The following ZNF282 variants were observed in gnomAD, a reference collection of about 807,000 sequenced individuals.
ZNF282 encodes the protein HTLV-I U5 repressive element-binding protein 1.
A neutral mutation model predicts 61.9 loss-of-function variants in ZNF282; 30 were observed. The observed-to-expected ratio is 0.48, with a 90% confidence interval of 0.36 to 0.66. The LOEUF (loss-of-function observed/expected upper bound fraction) is 0.66, where lower values mean the gene tolerates loss of function less well. Among genes scored for constraint, ZNF282 ranks in the 30% least tolerant of loss-of-function variants. The pLI is 0.00. For missense variants in ZNF282, 788 were observed against 941.4 expected, an observed-to-expected ratio of 0.84 and a Z score of 2.13; for synonymous variants, 396 against 405.0, an observed-to-expected ratio of 0.98 and a Z score of 0.27.
intron 1 of ZNF282, among the ~76,000 whole-genome samples, 174 bp downstream of exon 1, chr7:149,195,928 G>C (rs997134613): frequency 1.2e-4 from 18 of 148,422 alleles, no homozygotes; most frequent in African/African-American, 4.1e-4. Flanking sequence ...CGGGCAGGAC[G>C]GAGCGGGCCC....
At chr7:149,221,495 G>A (rs555124631) in intron 7 of ZNF282, among the ~76,000 whole-genome samples, 1 of 152,316 alleles carries the variant, frequency 6.6e-6, no homozygotes, top group South Asian at 2.1e-4. Context: ...GGGAGTTTAT[G>A]TGCATATAGT....
chr7:149,209,321 A>G (rs1454058644), intron 4 of ZNF282, among the ~76,000 whole-genome samples: 2 of 151,820 alleles, frequency 1.3e-5, no homozygotes, highest in Non-Finnish European at 2.9e-5. Context: ...GTCTCAAAAA[A>G]AAAAAAGAAA....
At chr7:149,222,435 T>G (rs1796270288) in intron 7 of ZNF282, among the ~76,000 whole-genome samples, 1 of 152,152 alleles carries the variant, frequency 6.6e-6, no homozygotes, top group Admixed American at 6.5e-5. Context: ...GGCCTCTAGA[T>G]GGTTTTCACC....
chr7:149,200,923 T>C (rs1201622854), intron 2 of ZNF282, among the ~76,000 whole-genome samples: 1 of 152,172 alleles, frequency 6.6e-6, no homozygotes, highest in Non-Finnish European at 1.5e-5. Context: ...AAGCAATCTG[T>C]ATGCTCTCAC....
intron 7 of ZNF282, among the ~76,000 whole-genome samples, chr7:149,214,670 A>C (rs1374786781): frequency 6.6e-6 from 1 of 152,096 alleles, no homozygotes; most frequent in African/African-American, 2.4e-5. Context: ...AGGGTCTACA[A>C]AAAAATTAAC....
chr7:149,197,322 G>A (rs1056644434), intron 1 of ZNF282, among the ~76,000 whole-genome samples: 2 of 152,194 alleles, frequency 1.3e-5, no homozygotes, highest in Non-Finnish European at 2.9e-5. Context: ...CCTCTAATGA[G>A]TGACCTTTTT....
chr7:149,223,955 C>G lies in ZNF282; in HGVS notation c.1324C>G (p.Pro442Ala). The G allele has an allele frequency of 5.4e-6, 7 of 1,303,952 alleles. No individual in the cohort carries two copies. Among genetic ancestry groups the G allele is most frequent in the Non-Finnish European group, 6.8e-6 (7 of 1,028,764 alleles). The allele number at this position is 1,303,952 out of a possible 1,614,324, so 80.8% of individuals were successfully genotyped here. ...CGCGGTGGCCGAGAACCCGGGCGGC[C>G]CCCCGAGCCGAGGGCTGCTGGACGA... ...PIAVAENPGG[P>A]PSRGLLDDGF... The change falls in exon 8 of 8, where the codon CCC becomes GCC. Residue 442 changes from proline (P) to alanine (A), a missense_variant. Around this residue, in one of 3 missense-constraint regions of ZNF282, gnomAD observed 559 missense variants for 642.0 expected, o/e 0.87. Transcript: ENST00000610704.
intron 1 of ZNF282, among the ~76,000 whole-genome samples, chr7:149,196,057 C>T (rs1022855822): frequency 3.9e-5 from 6 of 151,956 alleles, no homozygotes; most frequent in Non-Finnish European, 8.8e-5. Context: ...CCTGGCAGAG[C>T]TCTGACCCTG....
intron 2 of ZNF282, among the ~76,000 whole-genome samples, chr7:149,200,705 CCTGCCTCAG>C (rs1030810631): frequency 3.9e-5 from 6 of 152,144 alleles, no homozygotes; most frequent in Non-Finnish European, 1.5e-5. Flanking sequence ...AAGTGATTCT[CCTGCCTCAG>C]CTGCCCTAGT....
At chr7:149,204,875 TG>T (rs1290985557) in intron 2 of ZNF282, among the ~76,000 whole-genome samples, 1 of 152,078 alleles carries the variant, frequency 6.6e-6, no homozygotes, top group East Asian at 1.9e-4. Flanking sequence ...TACCAACACT[TG>T]GGGAGGCCAA....
Position 149,224,861 on chromosome 7 carries a change from G to C in ZNF282, c.*214G>C. The C allele has an allele frequency of 3.4e-6, 3 of 893,392 alleles. No homozygotes were observed. The highest frequency in any genetic ancestry group is 4.9e-6 in the Non-Finnish European group (3 of 617,192). 55.3% of individuals were successfully genotyped at this position (893,392 alleles called of 1,614,324 possible). ...TAGGGTGGACCCAGCTGCTGGGGAA[G>C]AGCCAGGGGGACCGCGAGGAGCCGA... is the stretch of plus-strand genomic sequence containing the variant. On this transcript the variant is annotated 3_prime_UTR_variant, in exon 8 of 8. Coordinates refer to ENST00000610704, the MANE Select transcript of ZNF282 (RefSeq NM_003575.4).
intron 7 of ZNF282, among the ~76,000 whole-genome samples, chr7:149,220,679 T>C (rs1796230346): frequency 1.3e-5 from 2 of 151,976 alleles, no homozygotes. Flanking sequence ...AGGAAATCTT[T>C]CCAGAAGCCT....
intron 2 of ZNF282, 185 bp from the exon 3 acceptor site, chr7:149,206,511 T>C: frequency 1.3e-6 from 1 of 788,378 alleles, no homozygotes; most frequent in Non-Finnish European, 2.1e-6. Context: ...ATCCGTGTTA[T>C]TGAAAGCATG....
At chr7:149,220,436 A>T (rs1159196040) in intron 7 of ZNF282, among the ~76,000 whole-genome samples, 1 of 152,042 alleles carries the variant, frequency 6.6e-6, no homozygotes, top group Non-Finnish European at 1.5e-5. Flanking sequence ...AGAATAAAGA[A>T]ATTTCTTCTC....
In ZNF282 at chr7:149,226,125, G is replaced by A. The variant is rs1310258855; in HGVS notation, c.*1478G>A. 11 of 152,600 alleles carry A rather than the reference G, an allele frequency of 7.2e-5. No individual in the cohort carries two copies. Among genetic ancestry groups the A allele is most frequent in the Non-Finnish European group, 1.5e-4 (10 of 68,038 alleles). The allele number at this position is 152,600 out of a possible 1,614,324, so 9.5% of individuals were successfully genotyped here. The stretch of plus-strand genomic sequence containing the variant: ...CTCCGCTTTCCTCAGACCCCTTTTT[G>A]CCGTGCAAAGGGAATTCTTGACATT... On this transcript the variant is annotated 3_prime_UTR_variant, in exon 8 of 8. Coordinates refer to ENST00000610704, the MANE Select transcript of ZNF282 (RefSeq NM_003575.4).
chr7:149,208,487 G>A (rs1176942530), intron 4 of ZNF282, among the ~76,000 whole-genome samples: 1 of 151,968 alleles, frequency 6.6e-6, no homozygotes, highest in African/African-American at 2.4e-5. Context: ...ACAGGCGTGA[G>A]CCACCATGCC....
Position 149,223,897 on chromosome 7 carries a change from G to C in ZNF282, c.1266G>C (p.Gln422His), listed in dbSNP as rs1796306045. 1.4e-6 allele frequency: 2 copies of C among 1,412,156 alleles called. No homozygotes were observed. Among genetic ancestry groups the C allele is most frequent in the Non-Finnish European group, 9.2e-7 (1 of 1,087,488 alleles). 87.5% of individuals were successfully genotyped at this position (1,412,156 alleles called of 1,614,324 possible). ...CCCAGCCACCGCAGCCGCAGCTGCA[G>C]TCGCAGCCCCAGCCCCAGAGCCTGC... ...PQPQPPQPQL[Q>H]SQPQPQSLPP... is the part of the protein sequence containing the mutation. Residue 422 changes from glutamine (Q) to histidine (H), a missense_variant, in exon 8 of 8, where the codon CAG becomes CAC. Physicochemically the swap from Gln to His is conservative, Grantham distance 24. Coordinates refer to ENST00000610704, the MANE Select transcript of ZNF282 (RefSeq NM_003575.4).
rs964169105 is a variant in ZNF282, at chr7:149,198,424, T to C, written c.257T>C (p.Met86Thr). 1 of 1,614,178 alleles carries C rather than the reference T, an allele frequency of 6.2e-7. No homozygotes were observed. Among genetic ancestry groups the C allele is most frequent in the Non-Finnish European group, 8.5e-7 (1 of 1,180,022 alleles). ...GCACCTGTCTTCCCCGACCGCATGA[T>C]GCGAGAGCCCCAGTTGCCCACAGCA... ...DRAPVFPDRM[M>T]REPQLPTAEI... Residue 86 changes from methionine to threonine, a missense_variant, in exon 2 of 8, where the codon ATG (methionine) becomes ACG (threonine). This residue lies in a region of ZNF282 where 137 missense variants were observed against 135.4 expected (regional missense o/e 1.01). Transcript: ENST00000610704. The surrounding 1 kb of genome is among the most constrained non-coding windows in gnomAD (Gnocchi z 4.3).
At chr7:149,216,347 A>G (rs1403606758) in intron 7 of ZNF282, among the ~76,000 whole-genome samples, 3 of 151,942 alleles carry the variant, frequency 2.0e-5, no homozygotes, top group Non-Finnish European at 2.9e-5. Context: ...CAATCCTCCC[A>G]CCTGGGCCTC....
Sources: gnomAD v4.1 joint callset for allele counts (sites outside exome capture counted in the v4.1 genomes callset) on GRCh38, gnomAD v4.1.1 for gene constraint, gnomAD v4.1.1 regional missense constraint, Gnocchi (gnomAD v3.1) non-coding constraint, MANE v1.5 for transcripts, NCBI Gene and HGNC (gene_info 2026-07-23, HGNC 2026-07-21) for gene names.